Variants in NDUFA3 observed in about 807,000 individuals in gnomAD.
The protein encoded by NDUFA3 is NADH:ubiquinone oxidoreductase subunit A3, also known as NADH dehydrogenase [ubiquinone] 1 alpha subcomplex subunit 3.
A neutral mutation model predicts 11.4 loss-of-function variants in NDUFA3; 10 were observed. That is an observed-to-expected ratio of 0.87 (90% confidence interval 0.54 to 1.48). NDUFA3 has a LOEUF of 1.48. Among genes scored for constraint, NDUFA3 ranks in the 40% most tolerant of loss-of-function variants. The pLI, the probability that NDUFA3 is intolerant of heterozygous loss-of-function variation, is 0.00. For missense variants in NDUFA3, 115 were observed against 110.5 expected, an observed-to-expected ratio of 1.04 and a Z score of -0.18; for synonymous variants, 39 against 46.9, an observed-to-expected ratio of 0.83 and a Z score of 0.68.
At chr19:54,103,036 G>A in intron 1 of NDUFA3, 78 bp from the exon 2 acceptor site, 1 of 1,552,150 alleles carries the variant, frequency 6.4e-7, no homozygotes, top group Non-Finnish European at 8.8e-7. Context: ...GCTCCTCCAG[G>A]GCAGGGGTGG....
At chr19:54,102,944 C>T (rs587694778) in intron 1 of NDUFA3, 56 bp downstream of exon 1, 2 of 1,595,506 alleles carry the variant, frequency 1.3e-6, no homozygotes, top group South Asian at 2.2e-5. Flanking sequence ...AACCTCTGGG[C>T]GGTCCTGGGA....
Position 54,105,933 on chromosome 19 carries a change from G to A in NDUFA3, c.86-1G>A, listed in dbSNP as rs1349298427. 6 of 1,611,816 alleles carry A rather than the reference G, an allele frequency of 3.7e-6. No homozygotes were observed. Among genetic ancestry groups the A allele is most frequent in the Non-Finnish European group, 4.2e-6 (5 of 1,178,188 alleles). ...GGCCTCACCCCTGTGTCTCTCCACA[G>A]CTGTAATTCTGCCCCCATTGAGCCC... is the stretch of plus-strand genomic sequence containing the variant. On this transcript the variant is annotated splice_acceptor_variant, in intron 2 of 3. Transcript: ENST00000485876. LOFTEE classifies it high-confidence loss of function.
Position 54,106,835 on chromosome 19 carries a change from T to C in NDUFA3, c.188T>C (p.Met63Thr). Reference protein sequence around the residue: ...YPVPVRDDGNMPDVPSHPQDP... With the variant: ...YPVPVRDDGNTPDVPSHPQDP... ...GTGCCCGTCCGTGATGATGGGAACA[T>C]GCCCGACGTGCCCAGCCACCCCCAG... Residue 63 changes from methionine to threonine, a missense_variant, in exon 4 of 4, where the codon ATG becomes ACG. Met to Thr is a moderately conservative substitution (Grantham distance 81, BLOSUM62 -1). Coordinates refer to ENST00000485876, the MANE Select transcript of NDUFA3 (RefSeq NM_004542.4). The C allele has an allele frequency of 6.2e-7, 1 of 1,613,528 alleles. No individual in the cohort carries two copies. Among genetic ancestry groups the C allele is most frequent in the Non-Finnish European group, 8.5e-7 (1 of 1,179,882 alleles).
chr19:54,107,128 G>C lies in NDUFA3; in HGVS notation c.*226G>C. The C allele has an allele frequency of 6.2e-7, 1 of 1,613,734 alleles. No homozygotes were observed. Among genetic ancestry groups the C allele is most frequent in the Non-Finnish European group, 8.5e-7 (1 of 1,179,934 alleles). On this transcript the variant is annotated 3_prime_UTR_variant, in exon 4 of 4. Coordinates refer to ENST00000485876, the MANE Select transcript of NDUFA3 (RefSeq NM_004542.4). ...CCCGAGAAACCCAACTGGAATCCAGGGCCTCATCTGCTTCAAAGCCAAAGT... is the reference window on the plus strand; with the variant it reads ...CCCGAGAAACCCAACTGGAATCCAGCGCCTCATCTGCTTCAAAGCCAAAGT...
Position 54,107,323 on chromosome 19 carries a change from A to C in NDUFA3, c.*421A>C. 9.9e-7 allele frequency: 1 copy of C among 1,005,818 alleles called. No homozygotes were observed. Among genetic ancestry groups the C allele is most frequent in the Non-Finnish European group, 1.4e-6 (1 of 693,728 alleles). 62.3% of individuals were successfully genotyped at this position (1,005,818 alleles called of 1,614,324 possible). The stretch of plus-strand genomic sequence containing the variant: ...GAGTGCAGTGGTGCCATCATAGTTC[A>C]CTGCAGCCTCTGCCTCCCAGGCTCA... On this transcript the variant is annotated 3_prime_UTR_variant, in exon 4 of 4. Coordinates refer to ENST00000485876, the MANE Select transcript of NDUFA3 (RefSeq NM_004542.4).
intron 3 of NDUFA3, 125 bp downstream of exon 3, chr19:54,106,136 C>A: frequency 2.4e-6 from 2 of 847,144 alleles, no homozygotes; most frequent in Non-Finnish European, 1.9e-6. Flanking sequence ...CCGGACCCCC[C>A]GTTCCATTTT....
At chr19:54,105,851 C>A in intron 2 of NDUFA3, 83 bp from the exon 3 acceptor site, 1 of 1,243,564 alleles carries the variant, frequency 8.0e-7, no homozygotes, top group Non-Finnish European at 1.2e-6. Context: ...CGCACTTTAT[C>A]TTCCCTTTGC....
At chr19:54,105,428 C>T (rs1287155492) in intron 2 of NDUFA3, among the ~76,000 whole-genome samples, 4 of 151,824 alleles carry the variant, frequency 2.6e-5, no homozygotes, top group African/African-American at 4.8e-5. Flanking sequence ...GCCACCACGC[C>T]CGGCTAATTT....
At chr19:54,104,026 G>A (rs912144846) in intron 2 of NDUFA3, among the ~76,000 whole-genome samples, 2 of 151,920 alleles carry the variant, frequency 1.3e-5, no homozygotes, top group African/African-American at 4.8e-5. Flanking sequence ...ATAGAGACGG[G>A]GTTTCACCGT....
intron 3 of NDUFA3, 88 bp downstream of exon 3, chr19:54,106,099 C>T: frequency 7.5e-7 from 1 of 1,328,960 alleles, no homozygotes; most frequent in Non-Finnish European, 1.1e-6. Context: ...CTTTCCTAAG[C>T]AGTTATCAGA....
In NDUFA3 at chr19:54,107,079, G is replaced by A. The variant is rs1431156512; in HGVS notation, c.*177G>A. On this transcript the variant is annotated 3_prime_UTR_variant, in exon 4 of 4. Coordinates refer to ENST00000485876, the MANE Select transcript of NDUFA3 (RefSeq NM_004542.4). ...TCAGAGGCTGGGCTGGCCAGGGTCG[G>A]GTAGGGCAGCAGTTTGTCTGGACCC... The A allele has an allele frequency of 6.2e-7, 1 of 1,613,958 alleles. No homozygotes were observed. The highest frequency in any genetic ancestry group is 2.2e-5 in the East Asian group (1 of 44,874).
At chr19:54,105,308 G>T (rs149481980) in intron 2 of NDUFA3, among the ~76,000 whole-genome samples, 179 of 108,076 alleles carry the variant, frequency 1.7e-3, no homozygotes, top group African/African-American at 6.2e-3. Context: ...TCTCTCTGTT[G>T]CCCAGGCTGG....
At chr19:54,106,602 C>T (rs587663422) in intron 3 of NDUFA3, 9 of 497,004 alleles carry the variant, frequency 1.8e-5, no homozygotes, top group African/African-American at 9.9e-5. Flanking sequence ...CTCTCTAGTG[C>T]GCGGGATCTC....
intron 2 of NDUFA3, among the ~76,000 whole-genome samples, chr19:54,105,032 C>T (rs930555625): frequency 9.9e-5 from 15 of 152,088 alleles, no homozygotes; most frequent in Non-Finnish European, 1.9e-4. Context: ...GCCACCTCGC[C>T]CATCCAAGTA....
At chr19:54,105,762 C>T in intron 2 of NDUFA3, 172 bp from the exon 3 acceptor site, 2 of 684,360 alleles carry the variant, frequency 2.9e-6, no homozygotes, top group Admixed American at 2.3e-5. Flanking sequence ...AGTTTTAAAC[C>T]CTCCTGTCTA....
In NDUFA3 at chr19:54,107,041, G is replaced by A; in HGVS notation, c.*139G>A. ...GGGGTGAGTGTGGGGTCAGTTTATT[G>A]GGCATGCGTCAGTCAGAGGCTGGGC... On this transcript the variant is annotated 3_prime_UTR_variant, in exon 4 of 4. Transcript: ENST00000485876. The A allele has an allele frequency of 6.2e-7, 1 of 1,613,130 alleles. No individual in the cohort carries two copies. The highest frequency in any genetic ancestry group is 1.1e-5 in the South Asian group (1 of 91,020).
chr19:54,102,912 A>G, intron 1 of NDUFA3, 24 bp downstream of exon 1: 1 of 1,609,158 alleles, frequency 6.2e-7, no homozygotes, highest in Non-Finnish European at 8.5e-7. Flanking sequence ...CCGGTGGCGC[A>G]CGGGGCTCGG....
rs765070690 is a variant in NDUFA3 at position 54,107,140 on chromosome 19, TTCAAAGCCAAAGTCTTCCTCAACC to T, written c.*240_*263del. On this transcript the variant is annotated 3_prime_UTR_variant, in exon 4 of 4. Transcript: ENST00000485876. ...AACTGGAATCCAGGGCCTCATCTGC[TTCAAAGCCAAAGTCTTCCTCAACC>T]TTAATCTGCAGGAGATAAGGAACAA... 6.2e-7 allele frequency: 1 copy of T among 1,613,800 alleles called. No individual in the cohort carries two copies. Among genetic ancestry groups the T allele is most frequent in the Non-Finnish European group, 8.5e-7 (1 of 1,179,968 alleles).
chr19:54,107,181 A>G lies in NDUFA3; in HGVS notation c.*279A>G. On this transcript the variant is annotated 3_prime_UTR_variant, in exon 4 of 4. Transcript: ENST00000485876. ...TCCTCAACCTTAATCTGCAGGAGAT[A>G]AGGAACAAGGTGTTAACAGGCCTGG... The G allele has an allele frequency of 6.2e-7, 1 of 1,610,532 alleles. No individual in the cohort carries two copies. Among genetic ancestry groups the G allele is most frequent in the Non-Finnish European group, 8.5e-7 (1 of 1,179,006 alleles).
Sources: allele counts gnomAD v4.1 joint callset (sites outside exome capture counted in the v4.1 genomes callset), GRCh38; gene constraint gnomAD v4.1.1; transcripts MANE v1.5; gene names NCBI Gene and HGNC (gene_info 2026-07-23, HGNC 2026-07-21).